ASIC2: variants seen among roughly 807,000 people sequenced by gnomAD.
ASIC2 encodes the protein acid-sensing ion channel 2.
A neutral mutation model predicts 57.3 loss-of-function variants in ASIC2; 25 were observed. The observed-to-expected ratio is 0.44, with a 90% CI of 0.32 to 0.61. The LOEUF is 0.61. Ranked by LOEUF, ASIC2 falls within the 20% of genes least tolerant of loss-of-function variation. ASIC2 has a pLI of 0.06. For synonymous variants in ASIC2, 319 were observed against 307.5 expected, an observed-to-expected ratio of 1.04 and a Z score of -0.39; for missense variants, 641 against 738.1, an observed-to-expected ratio of 0.87 and a Z score of 1.52.
intron 1 of ASIC2, among the ~76,000 whole-genome samples, chr17:33,536,676 G>A (rs1205016166): frequency 6.6e-6 from 1 of 152,150 alleles, no homozygotes; most frequent in African/African-American, 2.4e-5. Flanking sequence ...CTCTTTCCCA[G>A]TTAACTCCTC....
chr17:33,066,450 G>C (rs956442116), intron 3 of ASIC2, among the ~76,000 whole-genome samples: 2 of 152,122 alleles, frequency 1.3e-5, no homozygotes, highest in Non-Finnish European at 2.9e-5. Flanking sequence ...CTGGTGCTAG[G>C]CTTAGGCTGG....
At position 33,380,238 on chromosome 17, in the gene ASIC2, C is replaced by T. The variant is rs1366323600; in HGVS notation, c.556-268171G>A. Among the ~76,000 whole-genome samples, 7 of 90,614 alleles carry T rather than the reference C, an allele frequency of 7.7e-5. No individual in the cohort carries two copies. The Admixed American group carries it at 9.1e-4, about 12-fold the overall frequency. 59.4% of individuals were successfully genotyped at this position (90,614 alleles called of 152,430 possible). On this transcript the variant is annotated intron_variant, in intron 1 of 9. Transcript: ENST00000359872. ...TCCAGCCCAAGCAACAGAGGGAAAC[C>T]CTGTCTCAAAAAAAAAAAAAAAAAA...
chr17:33,615,686 C>T (rs1403404244), intron 1 of ASIC2, among the ~76,000 whole-genome samples: 1 of 152,116 alleles, frequency 6.6e-6, no homozygotes, highest in African/African-American at 2.4e-5. Context: ...CCTATCAACC[C>T]ATCACCTAGA....
intron 1 of ASIC2, among the ~76,000 whole-genome samples, chr17:33,155,838 G>A (rs138562164): frequency 1.3e-5 from 2 of 152,010 alleles, no homozygotes; most frequent in Admixed American, 1.3e-4. Context: ...CACTGCACCC[G>A]GTCCTCCACA....
chr17:33,024,312 T>C, intron 5 of ASIC2, among the ~76,000 whole-genome samples: 1 of 152,140 alleles, frequency 6.6e-6, no homozygotes, highest in Non-Finnish European at 1.5e-5. Flanking sequence ...CTTTCTTCCC[T>C]GCTCCCAGCC....
At chr17:33,934,006 C>A (rs1169162768) in intron 1 of ASIC2, among the ~76,000 whole-genome samples, 1 of 152,204 alleles carries the variant, frequency 6.6e-6, no homozygotes, top group Non-Finnish European at 1.5e-5. Flanking sequence ...TCTTTCGGGT[C>A]AGCAGCGACT....
intron 1 of ASIC2, among the ~76,000 whole-genome samples, chr17:33,961,701 C>T (rs1253689408): frequency 6.6e-6 from 1 of 152,068 alleles, no homozygotes; most frequent in East Asian, 1.9e-4. Context: ...AAAAGCCCAC[C>T]TGCTTGCCTT....
intron 1 of ASIC2, among the ~76,000 whole-genome samples, chr17:33,453,658 T>G (rs1567617728): frequency 6.6e-6 from 1 of 152,218 alleles, no homozygotes; most frequent in Admixed American, 6.5e-5. Flanking sequence ...ATTAGCTGTG[T>G]ATTTTTAAGG....
At chr17:34,139,727 G>A (rs558129989) in intron 1 of ASIC2, among the ~76,000 whole-genome samples, 119 of 152,160 alleles carry the variant, frequency 7.8e-4, no homozygotes, top group Non-Finnish European at 1.5e-3. Context: ...ACAGAAAATA[G>A]ATTAATGATC....
intron 1 of ASIC2, among the ~76,000 whole-genome samples, chr17:33,888,696 G>A (rs780091009): frequency 1.3e-5 from 2 of 152,100 alleles, no homozygotes; most frequent in Non-Finnish European, 2.9e-5. Flanking sequence ...TAATGTAGGT[G>A]CCCCTGGATG....
At chr17:33,677,975 A>G (rs992172532) in intron 1 of ASIC2, among the ~76,000 whole-genome samples, 7 of 152,218 alleles carry the variant, frequency 4.6e-5, no homozygotes, top group African/African-American at 1.7e-4. Flanking sequence ...ACAGAATTGC[A>G]TGCTACCTGT....
chr17:33,936,022 C>T (rs1174127064), intron 1 of ASIC2: 4 of 152,222 alleles, frequency 2.6e-5, no homozygotes, highest in South Asian at 4.2e-4. Flanking sequence ...GCCTCAGGCT[C>T]CTCATCTATA....
intron 1 of ASIC2, among the ~76,000 whole-genome samples, chr17:33,942,594 T>C (rs2141979708): frequency 6.6e-6 from 1 of 152,304 alleles, no homozygotes; most frequent in South Asian, 2.1e-4. Context: ...ACGAAGTCAC[T>C]GATTAATGAG....
chr17:33,323,147 G>A (rs375423346), intron 1 of ASIC2, among the ~76,000 whole-genome samples: 2 of 152,118 alleles, frequency 1.3e-5, no homozygotes, highest in African/African-American at 4.8e-5. Context: ...TGAAACATAT[G>A]GCTACCCTAT....
intron 1 of ASIC2, among the ~76,000 whole-genome samples, chr17:33,661,855 CAGAAATAAAACCACCAT>C (rs1023065591): frequency 5.9e-5 from 9 of 152,252 alleles, no homozygotes; most frequent in Non-Finnish European, 1.2e-4. Context: ...TGACTGGCGG[CAGAAATAAAACCACCAT>C]AGAACTTACC....
intron 1 of ASIC2, among the ~76,000 whole-genome samples, chr17:33,598,583 T>C (rs903236431): frequency 5.3e-5 from 8 of 152,028 alleles, no homozygotes; most frequent in Non-Finnish European, 1.2e-4. Flanking sequence ...AAAAGAAAAT[T>C]TTACTCAAGG....
At chr17:33,310,653 GCTGTTC>G (rs1443619156) in intron 1 of ASIC2, among the ~76,000 whole-genome samples, 1 of 152,126 alleles carries the variant, frequency 6.6e-6, no homozygotes, top group Non-Finnish European at 1.5e-5. Context: ...TGTATCTTCT[GCTGTTC>G]TCTCTTTTAA....
chr17:34,041,321 A>G, intron 1 of ASIC2: 1 of 152,222 alleles, frequency 6.6e-6, no homozygotes, highest in Admixed American at 6.5e-5. Context: ...GAGCCTCTGA[A>G]CATTAAGCCA....
chr17:33,406,054 C>T (rs1567850651), intron 1 of ASIC2, among the ~76,000 whole-genome samples: 3 of 152,170 alleles, frequency 2.0e-5, no homozygotes, highest in Non-Finnish European at 4.4e-5. Context: ...AGGCTTTGCC[C>T]TGGCTCCTTC....
Sources: gnomAD v4.1 joint callset for allele counts (sites outside exome capture counted in the v4.1 genomes callset) on GRCh38, gnomAD v4.1.1 for gene constraint, MANE v1.5 for transcripts, NCBI Gene and HGNC (gene_info 2026-07-23, HGNC 2026-07-21) for gene names.